Variants in EPHA4 observed in about 807,000 individuals in gnomAD.
EPHA4 encodes ephrin type-A receptor 4.
Under a neutral mutation model 108.3 loss-of-function variants are expected in EPHA4, and 19 were observed. The ratio of observed to expected loss-of-function variants is 0.18; its 90% confidence interval spans 0.12 to 0.26. The LOEUF is 0.26. Among genes scored for constraint, EPHA4 ranks in the 10% least tolerant of loss-of-function variants. The probability of loss-of-function intolerance (pLI) is 1.00; values close to 1 mark genes in which losing one functional copy is unlikely to be tolerated. For synonymous variants in EPHA4, 449 were observed against 455.5 expected (o/e 0.99, Z 0.18); for missense variants, 917 against 1,254.0 (o/e 0.73, Z 4.06).
At chr2:221,466,441 C>T (rs373035529) in intron 5 of EPHA4, among the ~76,000 whole-genome samples, 5 of 152,176 alleles carry the variant, frequency 3.3e-5, no homozygotes, top group East Asian at 1.9e-4. Context: ...ATCATTTCAT[C>T]CCTATAACTC....
At chr2:221,564,463 T>G in intron 2 of EPHA4, 69 bp from the exon 3 acceptor site, 1 of 1,475,222 alleles carries the variant, frequency 6.8e-7, no homozygotes, top group Middle Eastern at 1.8e-4. Flanking sequence ...AATCCCATTT[T>G]ATTCTCATAG....
intron 8 of EPHA4, among the ~76,000 whole-genome samples, chr2:221,453,248 T>C (rs1690839885): frequency 6.6e-6 from 1 of 152,244 alleles, no homozygotes. Context: ...AGGTATTTCA[T>C]GAATTGTATC....
intron 1 of EPHA4, among the ~76,000 whole-genome samples, chr2:221,569,697 AGGAACCACT>A (rs1675829567): frequency 6.6e-6 from 1 of 151,606 alleles, no homozygotes; most frequent in Non-Finnish European, 1.5e-5. Context: ...CCCACCTCAA[AGGAACCACT>A]GGGTTATTAA....
intron 17 of EPHA4, among the ~76,000 whole-genome samples, chr2:221,421,208 G>A: frequency 6.6e-6 from 1 of 151,946 alleles, no homozygotes; most frequent in Non-Finnish European, 1.5e-5. Context: ...GAGGCAGGAG[G>A]AGAATGGCGT....
intron 4 of EPHA4, among the ~76,000 whole-genome samples, chr2:221,495,813 G>GC (rs1256898673): frequency 6.6e-6 from 1 of 152,142 alleles, no homozygotes; most frequent in African/African-American, 2.4e-5. Context: ...GATTTTACAA[G>GC]CCAGTGGAGC....
In EPHA4 at chr2:221,426,507, C is replaced by A; in HGVS notation, c.2803G>T (p.Ala935Ser). ...ACAGCCTCTAGTGTGGTATAACCAG[C>A]AGCTGTGAAGTTATCCTTATACCGG... Reference protein sequence around the residue: ...MDRYKDNFTAAGYTTLEAVVH... With the variant: ...MDRYKDNFTASGYTTLEAVVH... Residue 935 changes from alanine (A) to serine (S), a missense_variant, in exon 16 of 18, where the codon GCT becomes TCT. Around this residue, in one of 3 missense-constraint regions of EPHA4, gnomAD observed 133 missense variants for 132.8 expected, o/e 1.00. Coordinates refer to ENST00000281821, the MANE Select transcript of EPHA4 (RefSeq NM_004438.5). The A allele has an allele frequency of 6.2e-7, 1 of 1,613,870 alleles. No homozygotes were observed. Among genetic ancestry groups the A allele is most frequent in the Non-Finnish European group, 8.5e-7 (1 of 1,179,964 alleles).
At chr2:221,506,589 T>C (rs1692638580) in intron 3 of EPHA4, among the ~76,000 whole-genome samples, 1 of 152,234 alleles carries the variant, frequency 6.6e-6, no homozygotes, top group Non-Finnish European at 1.5e-5. Context: ...CAATTGGAAC[T>C]GTTATTGGAC....
chr2:221,546,550 G>A (rs1272747223), intron 3 of EPHA4, among the ~76,000 whole-genome samples: 1 of 151,338 alleles, frequency 6.6e-6, no homozygotes, highest in Non-Finnish European at 1.5e-5. Flanking sequence ...TTCCTCATCT[G>A]TAAAGTGAGA....
At chr2:221,527,369 A>C (rs909112390) in intron 3 of EPHA4, among the ~76,000 whole-genome samples, 1 of 152,176 alleles carries the variant, frequency 6.6e-6, no homozygotes, top group African/African-American at 2.4e-5. Flanking sequence ...AGGGGAGAGA[A>C]AAAGAGAAAT....
intron 14 of EPHA4, among the ~76,000 whole-genome samples, chr2:221,432,093 T>C (rs1690093007): frequency 1.3e-5 from 2 of 150,510 alleles, no homozygotes; most frequent in South Asian, 4.2e-4. Context: ...GAACTGAAAG[T>C]TCAAAACAAC....
intron 3 of EPHA4, among the ~76,000 whole-genome samples, chr2:221,549,752 C>T (rs1212275426): frequency 6.6e-6 from 1 of 152,160 alleles, no homozygotes; most frequent in African/African-American, 2.4e-5. Context: ...TTTGGGGGGC[C>T]CAGGCAGGCA....
At chr2:221,449,461 T>C (rs1269598594) in intron 8 of EPHA4, among the ~76,000 whole-genome samples, 2 of 152,168 alleles carry the variant, frequency 1.3e-5, no homozygotes, top group Non-Finnish European at 2.9e-5. Context: ...TGATTAAAAC[T>C]GGGAAGGAGT....
At chr2:221,430,937 G>A (rs1460362675) in intron 14 of EPHA4, among the ~76,000 whole-genome samples, 1 of 152,152 alleles carries the variant, frequency 6.6e-6, no homozygotes, top group Non-Finnish European at 1.5e-5. Context: ...TGCCCAGAGT[G>A]GTCTCCTTGC....
chr2:221,509,277 G>A (rs1692733676), intron 3 of EPHA4, among the ~76,000 whole-genome samples: 1 of 152,136 alleles, frequency 6.6e-6, no homozygotes, highest in Admixed American at 6.5e-5. Flanking sequence ...GCAGTGAGCC[G>A]AGATCGTGCC....
chr2:221,455,522 C>G (rs368785065), intron 8 of EPHA4, 25 bp downstream of exon 8: 99 of 1,563,290 alleles, frequency 6.3e-5, no homozygotes, highest in Non-Finnish European at 8.4e-5. Flanking sequence ...TCGGGGGCTG[C>G]ACAGTGAGTG....
chr2:221,436,950 T>A, intron 12 of EPHA4, 111 bp downstream of exon 12: 1 of 791,984 alleles, frequency 1.3e-6, no homozygotes, highest in Non-Finnish European at 2.1e-6. Context: ...CTTCTTTCTT[T>A]GCCCATTAAA....
intron 13 of EPHA4, 97 bp from the exon 14 acceptor site, chr2:221,434,388 G>T: frequency 7.8e-7 from 1 of 1,278,214 alleles, no homozygotes; most frequent in Non-Finnish European, 1.1e-6. Context: ...CAGGACAACA[G>T]CATTCTTGAG....
chr2:221,436,425 C>G lies in EPHA4; in HGVS notation c.2320G>C (p.Asp774His), dbSNP rs1324152290. The change falls in exon 13 of 18, where the codon GAT becomes CAT. Residue 774 changes from aspartate to histidine, a missense_variant. Asp to His is a moderately conservative substitution (Grantham distance 81). Transcript: ENST00000281821. ...DFGMSRVLED[D>H]PEAAYTTRGG... Reference sequence around the variant, plus strand: ...CTGGTGGTGTAAGCTGCTTCCGGATCATCCTCAAGCACTCGGGACATGCCA... The same window carrying G: ...CTGGTGGTGTAAGCTGCTTCCGGATGATCCTCAAGCACTCGGGACATGCCA... The G allele has an allele frequency of 1.2e-6, 2 of 1,614,086 alleles. No individual in the cohort carries two copies. Among genetic ancestry groups the G allele is most frequent in the African/African-American group, 1.3e-5 (1 of 74,936 alleles).
chr2:221,556,060 C>T (rs1035600175), intron 3 of EPHA4, among the ~76,000 whole-genome samples: 4 of 152,134 alleles, frequency 2.6e-5, no homozygotes, highest in African/African-American at 4.8e-5. Flanking sequence ...GCCTCAGAAC[C>T]GAACTCTCAA....
Sources: gnomAD v4.1 joint callset for allele counts (sites outside exome capture counted in the v4.1 genomes callset) on GRCh38, gnomAD v4.1.1 for gene constraint, gnomAD v4.1.1 regional missense constraint, MANE v1.5 for transcripts, NCBI Gene and HGNC (gene_info 2026-07-23, HGNC 2026-07-21) for gene names.